ALK: variants seen among roughly 807,000 people sequenced by gnomAD.
ALK encodes the protein ALK receptor tyrosine kinase, also known as ALK tyrosine kinase receptor.
ALK carries 74 observed loss-of-function variants against 163.1 expected under a neutral mutation model. That is an observed-to-expected ratio of 0.45 (90% CI 0.38 to 0.55). The LOEUF is 0.55. ALK is among the 20% of genes least tolerant of loss of function. The pLI is 0.00. For synonymous variants in ALK, 960 were observed against 843.2 expected (o/e 1.14, Z -2.40); for missense variants, 2,063 against 2,105.3 (o/e 0.98, Z 0.39).
intron 4 of ALK, among the ~76,000 whole-genome samples, chr2:29,506,164 C>G (rs1672314704): frequency 6.6e-6 from 1 of 152,286 alleles, no homozygotes; most frequent in South Asian, 2.1e-4. Context: ...GGCAAGAGGA[C>G]TTGATTTCCT....
chr2:29,505,576 T>C (rs1672296874), intron 4 of ALK, among the ~76,000 whole-genome samples: 1 of 152,050 alleles, frequency 6.6e-6, no homozygotes, highest in African/African-American at 2.4e-5. Context: ...GAAACCTTGT[T>C]GTGGGTGGAA....
At position 29,318,383 on chromosome 2, in the gene ALK, G is replaced by A. The variant is rs1553409330; in HGVS notation, c.1568C>T (p.Thr523Ile). 6.2e-7 allele frequency: 1 copy of A among 1,613,456 alleles called. No homozygotes were observed. Among genetic ancestry groups the A allele is most frequent in the Non-Finnish European group, 8.5e-7 (1 of 1,179,416 alleles). ...DHQDHALLLS[T>I]TDVPASESAT... The stretch of plus-strand genomic sequence containing the variant: ...ACTTTCAGAAGCGGGGACATCAGTG[G>A]TACTGAGCAATAGAGCATGGTCTAG... The change falls in exon 8 of 29, where the codon ACC (threonine) becomes ATC (isoleucine). Residue 523 changes from threonine to isoleucine, a missense_variant. Thr to Ile is a moderately conservative substitution (Grantham distance 89). Coordinates refer to ENST00000389048, the MANE Select transcript of ALK (RefSeq NM_004304.5).
At chr2:29,667,899 G>A (rs555421123) in intron 3 of ALK, among the ~76,000 whole-genome samples, 2 of 152,120 alleles carry the variant, frequency 1.3e-5, no homozygotes, top group Admixed American at 6.6e-5. Flanking sequence ...CACAACAGCA[G>A]GGAAACCATC....
chr2:29,865,484 C>T (rs770584705), intron 1 of ALK, among the ~76,000 whole-genome samples: 1 of 152,198 alleles, frequency 6.6e-6, no homozygotes. Flanking sequence ...TGCCTTTCAG[C>T]TGCTCCTGAG....
chr2:29,284,630 T>A (rs1007431293), intron 9 of ALK, among the ~76,000 whole-genome samples: 11 of 152,206 alleles, frequency 7.2e-5, no homozygotes, highest in Admixed American at 2.6e-4. Flanking sequence ...TGCTTTGCAC[T>A]CTTGATTGTG....
At chr2:29,698,429 G>A (rs906303860) in intron 2 of ALK, among the ~76,000 whole-genome samples, 3 of 152,168 alleles carry the variant, frequency 2.0e-5, no homozygotes, top group African/African-American at 7.2e-5. Context: ...GTAAAAAGGT[G>A]AGAAAGCCAC....
intron 1 of ALK, among the ~76,000 whole-genome samples, chr2:29,774,649 T>A (rs1681121989): frequency 1.3e-5 from 2 of 152,172 alleles, no homozygotes; most frequent in Non-Finnish European, 2.9e-5. Context: ...TCTCTTTCCA[T>A]AAAGTGCTGA....
At chr2:29,231,987 A>G (rs528903293) in intron 15 of ALK, among the ~76,000 whole-genome samples, 7 of 152,312 alleles carry the variant, frequency 4.6e-5, no homozygotes, top group East Asian at 1.9e-4. Context: ...TGGGGGGCCC[A>G]TCTGCCCCTG....
chr2:29,590,932 G>T (rs1311698939), intron 3 of ALK, among the ~76,000 whole-genome samples: 3 of 151,652 alleles, frequency 2.0e-5, no homozygotes, highest in East Asian at 1.9e-4. Flanking sequence ...TTAGCCGGGC[G>T]TGTTGGCGGG....
At chr2:29,827,886 T>C (rs1208504070) in intron 1 of ALK, among the ~76,000 whole-genome samples, 1 of 152,216 alleles carries the variant, frequency 6.6e-6, no homozygotes, top group African/African-American at 2.4e-5. Context: ...AGAAGAAAGC[T>C]GGAGGCATCA....
chr2:29,575,127 T>A (rs1674487580), intron 3 of ALK, among the ~76,000 whole-genome samples: 1 of 152,132 alleles, frequency 6.6e-6, no homozygotes, highest in South Asian at 2.1e-4. Context: ...GTGGCCTCTC[T>A]AGGTGAAAAT....
intron 4 of ALK, among the ~76,000 whole-genome samples, chr2:29,390,649 A>T (rs1340161264): frequency 1.3e-5 from 2 of 152,150 alleles, no homozygotes; most frequent in Non-Finnish European, 2.9e-5. Flanking sequence ...CAACTTTCAA[A>T]TTTTCCTTAA....
At chr2:29,587,798 TA>T (rs1223870579) in intron 3 of ALK, among the ~76,000 whole-genome samples, 3 of 152,118 alleles carry the variant, frequency 2.0e-5, no homozygotes, top group East Asian at 1.9e-4. Flanking sequence ...AAATAAAAAT[TA>T]AAAAAATGTA....
intron 11 of ALK, among the ~76,000 whole-genome samples, chr2:29,272,185 G>GGGGA (rs1553402257): frequency 2.1e-5 from 3 of 145,154 alleles, no homozygotes; most frequent in Admixed American, 6.9e-5. Context: ...GTCGGGTGAG[G>GGGGA]GAGAGAGAGA....
chr2:29,717,766 T>A (rs2148307492), intron 1 of ALK, 69 bp from the exon 2 acceptor site: 1 of 1,607,406 alleles, frequency 6.2e-7, no homozygotes, highest in African/African-American at 1.3e-5. Context: ...TCACTCAATA[T>A]CAGTCAAAAA....
intron 1 of ALK, among the ~76,000 whole-genome samples, chr2:29,763,226 G>C (rs1190673455): frequency 6.6e-6 from 1 of 152,062 alleles, no homozygotes; most frequent in African/African-American, 2.4e-5. Context: ...TGTACAATGA[G>C]AATAATAGTA....
rs1034095699 is a variant in ALK, at chr2:29,337,830, C to T, written c.1283-9349G>A. Among the ~76,000 whole-genome samples, 9 of 152,258 alleles carry T rather than the reference C, an allele frequency of 5.9e-5. No homozygotes were observed. In the South Asian group the frequency reaches 1.5e-3, roughly 25 times the overall value. On this transcript the variant is annotated intron_variant, in intron 5 of 28. Coordinates refer to ENST00000389048, the MANE Select transcript of ALK (RefSeq NM_004304.5). ...TGAATACTCTTGCAGGCCCAAGGAC[C>T]CACTTTGTTCAGTTTGTGTTGATGA...
chr2:29,478,901 T>C (rs544280514), intron 4 of ALK, among the ~76,000 whole-genome samples: 1 of 152,188 alleles, frequency 6.6e-6, no homozygotes, highest in Non-Finnish European at 1.5e-5. Context: ...TGTTAAGACA[T>C]GTCCCCAGAG....
chr2:29,784,104 G>A (rs4665480), intron 1 of ALK, among the ~76,000 whole-genome samples: 124,934 of 151,888 alleles, frequency 0.82, 53,592 homozygotes, highest in Non-Finnish European at 0.94. Flanking sequence ...AGAGAGAAAA[G>A]AGAGGGAGAC....
Sources: allele counts gnomAD v4.1 joint callset (sites outside exome capture counted in the v4.1 genomes callset), GRCh38; gene constraint gnomAD v4.1.1; transcripts MANE v1.5; gene names NCBI Gene and HGNC (gene_info 2026-07-23, HGNC 2026-07-21).